MLLT10: variants seen among roughly 807,000 people sequenced by gnomAD.
The protein encoded by MLLT10 is protein AF-10.
MLLT10 carries 30 observed loss-of-function variants against 129.1 expected under a neutral mutation model. The ratio of observed to expected loss-of-function variants is 0.23; its 90% CI spans 0.17 to 0.32. MLLT10 has a LOEUF of 0.32. Among genes scored for constraint, MLLT10 ranks in the 10% least tolerant of loss-of-function variants. The pLI is 1.00. For synonymous variants in MLLT10, 490 were observed against 446.4 expected (o/e 1.10, Z -1.23); for missense variants, 1,119 against 1,268.3 (o/e 0.88, Z 1.79).
intron 7 of MLLT10, among the ~76,000 whole-genome samples, chr10:21,616,336 A>G (rs1194316946): frequency 6.6e-6 from 1 of 152,142 alleles, no homozygotes; most frequent in East Asian, 1.9e-4. Context: ...GATAGTTGGG[A>G]AAAATATCTG....
chr10:21,717,701 T>TTCCTCCTCC lies in MLLT10; in HGVS notation c.1878+3757_1878+3765dup, dbSNP rs1431213350. Reference sequence around the variant, plus strand: ...CTTCCTCCTCCTCCTCCTCCTCCTCTTCCTCCTCCTCCTCTTCCTCCTCCT... The same window carrying TTCCTCCTCC: ...CTTCCTCCTCCTCCTCCTCCTCCTCTTCCTCCTCCTCCTCCTCCTCCTCTTCCTCCTCCT... On this transcript the variant is annotated intron_variant, in intron 14 of 22. Coordinates refer to ENST00000307729, the MANE Select transcript of MLLT10 (RefSeq NM_001195626.3). Among the ~76,000 whole-genome samples the TTCCTCCTCC allele has an allele frequency of 1.5e-3, 34 of 23,384 alleles. 2 individuals are homozygous for TTCCTCCTCC. Among genetic ancestry groups the TTCCTCCTCC allele is most frequent in the African/African-American group, 6.6e-3 (31 of 4,724 alleles). 15.3% of individuals were successfully genotyped at this position (23,384 alleles called of 152,430 possible). A position where few individuals can be genotyped will look rare whatever the true frequency, so the allele number is the denominator to read the frequency against.
chr10:21,598,786 A>C (rs2043243766), intron 5 of MLLT10, among the ~76,000 whole-genome samples: 1 of 151,818 alleles, frequency 6.6e-6, no homozygotes, highest in Non-Finnish European at 1.5e-5. Flanking sequence ...AGGCTGAGGC[A>C]TGACGAGAAT....
intron 11 of MLLT10, among the ~76,000 whole-genome samples, chr10:21,677,755 C>T (rs955430394): frequency 1.3e-5 from 2 of 151,630 alleles, no homozygotes; most frequent in African/African-American, 4.9e-5. Context: ...AGTTGTTTTT[C>T]ATGATGCTGT....
At chr10:21,691,761 A>T (rs2053869748) in intron 13 of MLLT10, among the ~76,000 whole-genome samples, 1 of 152,152 alleles carries the variant, frequency 6.6e-6, no homozygotes, top group African/African-American at 2.4e-5. Flanking sequence ...CAAGGAACAC[A>T]GTAAAGGGGT....
Position 21,676,720 on chromosome 10 carries a change from C to CAAAAAAAAAAAAAAA in MLLT10, c.1621+2823_1621+2837dup, listed in dbSNP as rs56000691. 4.1e-4 allele frequency among the ~76,000 whole-genome samples: 13 copies of CAAAAAAAAAAAAAAA among 32,014 alleles called. 4 individuals are homozygous for CAAAAAAAAAAAAAAA. Among genetic ancestry groups the CAAAAAAAAAAAAAAA allele is most frequent in the East Asian group, 4.9e-3 (2 of 412 alleles). 21.0% of individuals were successfully genotyped at this position (32,014 alleles called of 152,430 possible). A position where few individuals can be genotyped will look rare whatever the true frequency, so the allele number is the denominator to read the frequency against. On this transcript the variant is annotated intron_variant, in intron 11 of 22. Transcript: ENST00000307729. ...TGGGAGACAGAGCGAGACTCCATCT[C>CAAAAAAAAAAAAAAA]AAAAAAAAAAAAAAAAAAAAAAAAA... is the stretch of plus-strand genomic sequence containing the variant.
intron 5 of MLLT10, among the ~76,000 whole-genome samples, chr10:21,598,133 C>T (rs2043186365): frequency 6.6e-6 from 1 of 152,196 alleles, no homozygotes; most frequent in Non-Finnish European, 1.5e-5. Flanking sequence ...CTTTTACATT[C>T]ATCAGTTGAC....
At chr10:21,533,993 G>A (rs1474791485), upstream of MLLT10, among the ~76,000 whole-genome samples, 1 of 152,018 alleles carries the variant, frequency 6.6e-6, no homozygotes. Flanking sequence ...CAGCGCTGCA[G>A]AGGGCGGCCC....
chr10:21,708,053 T>A (rs946124498), intron 13 of MLLT10, among the ~76,000 whole-genome samples: 7 of 152,226 alleles, frequency 4.6e-5, no homozygotes, highest in Non-Finnish European at 8.8e-5. Context: ...TTTTAATGTT[T>A]GCCTTGCTCC....
chr10:21,682,495 T>A (rs532755402), intron 13 of MLLT10, among the ~76,000 whole-genome samples: 2 of 152,304 alleles, frequency 1.3e-5, no homozygotes, highest in South Asian at 4.1e-4. Flanking sequence ...ATGATAATAG[T>A]GTTTTAAGTT....
At position 21,566,106 on chromosome 10, in the gene MLLT10, C is replaced by T. The variant is rs182913595; in HGVS notation, c.241-20188C>T. ...TAGCTATTACAGGTGCCCACCACCA[C>T]GCCTGGCTAAATTTTTTTTTGTATT... On this transcript the variant is annotated intron_variant, in intron 3 of 22. Coordinates refer to ENST00000307729, the MANE Select transcript of MLLT10 (RefSeq NM_001195626.3). 4.0e-5 allele frequency among the ~76,000 whole-genome samples: 6 copies of T among 151,660 alleles called. No individual in the cohort carries two copies. The East Asian group carries it at 7.8e-4, about 20-fold the overall frequency.
chr10:21,545,537 AAAATT>A (rs1239310243), intron 3 of MLLT10, among the ~76,000 whole-genome samples: 2 of 152,312 alleles, frequency 1.3e-5, no homozygotes, highest in East Asian at 1.9e-4. Flanking sequence ...AGGAAAGAGA[AAAATT>A]AAAGGAGATG....
At chr10:21,676,907 A>G (rs1037712141) in intron 11 of MLLT10, among the ~76,000 whole-genome samples, 7 of 152,156 alleles carry the variant, frequency 4.6e-5, no homozygotes, top group Non-Finnish European at 8.8e-5. Context: ...TAAAAAGCGT[A>G]TCCTTATCTA....
chr10:21,732,122 T>G (rs183157696), intron 17 of MLLT10, among the ~76,000 whole-genome samples: 40 of 152,318 alleles, frequency 2.6e-4, no homozygotes, highest in African/African-American at 7.5e-4. Context: ...GATGTGTCTG[T>G]ACCAGAGGAG....
chr10:21,632,626 G>A (rs193050559), intron 8 of MLLT10, among the ~76,000 whole-genome samples: 1 of 152,128 alleles, frequency 6.6e-6, no homozygotes, highest in East Asian at 1.9e-4. Context: ...AATCAATATT[G>A]AACAGTTTGT....
At chr10:21,681,431 T>TTC in intron 12 of MLLT10, 55 bp downstream of exon 12, 2 of 1,244,320 alleles carry the variant, frequency 1.6e-6, no homozygotes, top group Non-Finnish European at 2.3e-6. Context: ...CTAGTGCTCT[T>TTC]TCTAGTATGT....
At chr10:21,573,596 CTTT>C (rs869065926) in intron 3 of MLLT10, among the ~76,000 whole-genome samples, 1 of 143,392 alleles carries the variant, frequency 7.0e-6, no homozygotes. Flanking sequence ...GTGTATTATT[CTTT>C]TTTTTTTTTT....
At chr10:21,625,075 T>TCATAA (rs1215711333) in intron 8 of MLLT10, 4 of 868,572 alleles carry the variant, frequency 4.6e-6, no homozygotes, top group East Asian at 4.8e-5. Context: ...ACTGTAGTAA[T>TCATAA]CTTCATGCCA....
At chr10:21,679,193 T>C (rs984592330) in intron 11 of MLLT10, among the ~76,000 whole-genome samples, 2 of 152,144 alleles carry the variant, frequency 1.3e-5, no homozygotes, top group African/African-American at 4.8e-5. Flanking sequence ...GGAAAATTAG[T>C]GTGTTTCTAA....
intron 1 of MLLT10, 60 bp from the exon 2 acceptor site, chr10:21,534,585 G>C (rs1457269434): frequency 1.9e-6 from 3 of 1,547,172 alleles, no homozygotes; most frequent in Non-Finnish European, 2.6e-6. Context: ...GGGCTGTGTG[G>C]GGGGGAAGCA....
Sources: allele counts gnomAD v4.1 joint callset (sites outside exome capture counted in the v4.1 genomes callset), GRCh38; gene constraint gnomAD v4.1.1; transcripts MANE v1.5; gene names NCBI Gene and HGNC (gene_info 2026-07-23, HGNC 2026-07-21).